The following ARHGAP32 variants were observed in gnomAD, a reference collection of about 807,000 sequenced individuals.
ARHGAP32 encodes the protein Rho GTPase activating protein 32.
In ARHGAP32, 51 loss-of-function variants were observed where a neutral mutation model predicts 186.5. That is an observed-to-expected ratio of 0.27 (90% CI 0.22 to 0.35). The LOEUF is 0.35. Ranked by LOEUF, ARHGAP32 falls within the 10% of genes least tolerant of loss-of-function variation. ARHGAP32 has a pLI of 1.00. For missense variants in ARHGAP32, 2,186 were observed against 2,623.5 expected (o/e 0.83, Z 3.64); for synonymous variants, 950 against 964.3 (o/e 0.99, Z 0.27).
intron 1 of ARHGAP32, among the ~76,000 whole-genome samples, chr11:129,186,878 A>C (rs959826563): frequency 6.6e-6 from 1 of 152,158 alleles, no homozygotes; most frequent in African/African-American, 2.4e-5. Flanking sequence ...TGCCGGCAAC[A>C]ATGTGGAGAA....
chr11:129,153,068 T>A (rs1464360669), intron 2 of ARHGAP32, among the ~76,000 whole-genome samples: 1 of 151,652 alleles, frequency 6.6e-6, no homozygotes, highest in Non-Finnish European at 1.5e-5. Context: ...TATACATAAA[T>A]CTGTAGCACT....
chr11:129,120,840 G>T (rs1295767718), intron 5 of ARHGAP32, among the ~76,000 whole-genome samples: 1 of 151,986 alleles, frequency 6.6e-6, no homozygotes, highest in Non-Finnish European at 1.5e-5. Context: ...TCCCAGAATT[G>T]GTACATATTA....
intron 11 of ARHGAP32, 58 bp from the exon 12 acceptor site, chr11:128,998,526 G>A (rs1946262240): frequency 3.7e-6 from 5 of 1,345,752 alleles, no homozygotes; most frequent in Non-Finnish European, 4.9e-6. Context: ...ATTTTACTTA[G>A]CATAAAAACA....
intron 1 of ARHGAP32, among the ~76,000 whole-genome samples, chr11:129,275,386 G>A (rs1735593240): frequency 6.6e-6 from 1 of 152,082 alleles, no homozygotes; most frequent in African/African-American, 2.4e-5. Flanking sequence ...GGTCACAAAG[G>A]AAATCTCTGA....
At chr11:129,046,930 C>G (rs1939833698) in intron 10 of ARHGAP32, among the ~76,000 whole-genome samples, 1 of 152,012 alleles carries the variant, frequency 6.6e-6, no homozygotes, top group African/African-American at 2.4e-5. Flanking sequence ...CAAGACCATC[C>G]TGGCTAAAAT....
At chr11:129,174,697 G>A (rs1943867516) in intron 1 of ARHGAP32, among the ~76,000 whole-genome samples, 1 of 152,130 alleles carries the variant, frequency 6.6e-6, no homozygotes, top group Non-Finnish European at 1.5e-5. Flanking sequence ...CACCTCACAT[G>A]GCCGGGTACT....
chr11:129,155,957 T>C (rs1474599900), intron 2 of ARHGAP32, among the ~76,000 whole-genome samples: 1 of 152,184 alleles, frequency 6.6e-6, no homozygotes, highest in Non-Finnish European at 1.5e-5. Context: ...TTGCCTCACC[T>C]GGGAAGGGCA....
intron 1 of ARHGAP32, among the ~76,000 whole-genome samples, chr11:129,250,298 G>A (rs1945163374): frequency 6.6e-6 from 1 of 152,176 alleles, no homozygotes; most frequent in African/African-American, 2.4e-5. Context: ...TAAGAGGAAT[G>A]TAATCACTAA....
chr11:128,970,029 G>T lies in ARHGAP32; in HGVS notation c.5184C>A (p.Asn1728Lys), dbSNP rs1469836985. 6.2e-7 allele frequency: 1 copy of T among 1,614,178 alleles called. No individual in the cohort carries two copies. Among genetic ancestry groups the T allele is most frequent in the African/African-American group, 1.3e-5 (1 of 75,060 alleles). Residue 1728 changes from asparagine to lysine, a missense_variant, in exon 23 of 23, where the codon AAC becomes AAA. Asn to Lys is a moderately conservative substitution (Grantham distance 94). Coordinates refer to ENST00000682385, the MANE Select transcript of ARHGAP32 (RefSeq NM_001378024.1). The surrounding 1 kb of genome is among the most constrained non-coding windows in gnomAD (Gnocchi z 5.8). ...CGTTGGGAGAGAAATAGCCAGTCAC[G>T]TTGGCCCGGGGACGTGGAGCCAAAC... Reference protein sequence around the residue: ...YAGLAPRPRANVTGYFSPNDH... With the variant: ...YAGLAPRPRAKVTGYFSPNDH...
chr11:128,986,784 T>G (rs1565358580), intron 13 of ARHGAP32, 116 bp from the exon 14 acceptor site: 1 of 867,988 alleles, frequency 1.2e-6, no homozygotes, highest in Non-Finnish European at 1.7e-6. Context: ...TGAGTTGCTA[T>G]TATCTTCCAT....
intron 11 of ARHGAP32, among the ~76,000 whole-genome samples, chr11:129,003,680 A>G (rs1321314174): frequency 1.3e-5 from 2 of 152,152 alleles, no homozygotes; most frequent in Non-Finnish European, 2.9e-5. Context: ...ATAGTTGCTC[A>G]TAATAGCCAC....
At chr11:128,979,687 T>A (rs1945654507) in intron 18 of ARHGAP32, among the ~76,000 whole-genome samples, 1 of 152,152 alleles carries the variant, frequency 6.6e-6, no homozygotes, top group South Asian at 2.1e-4. Context: ...TCACAGGAAG[T>A]GAAAGGAAGT....
chr11:128,984,095 C>T (rs650394), intron 15 of ARHGAP32, among the ~76,000 whole-genome samples: 16,969 of 152,090 alleles, frequency 0.11, 1,222 homozygotes, highest in Non-Finnish European at 0.15. Context: ...AAAGGAAGGC[C>T]GGGCACAGTG....
At chr11:129,180,722 C>T (rs1312709062) in intron 1 of ARHGAP32, among the ~76,000 whole-genome samples, 1 of 151,942 alleles carries the variant, frequency 6.6e-6, no homozygotes, top group African/African-American at 2.4e-5. Context: ...TTAAGGGCTG[C>T]CAACCATAAT....
chr11:129,221,527 GTGTGTGTT>G (rs1238004753), intron 1 of ARHGAP32, among the ~76,000 whole-genome samples: 1,542 of 83,718 alleles, frequency 0.018, 20 homozygotes, highest in African/African-American at 0.026. Flanking sequence ...GTGTGTGTGT[GTGTGTGTT>G]TATGGTAAAA....
chr11:128,975,644 C>T (rs1030953164), intron 20 of ARHGAP32, among the ~76,000 whole-genome samples: 5 of 151,998 alleles, frequency 3.3e-5, no homozygotes, highest in South Asian at 4.1e-4. Flanking sequence ...CATAATTTTA[C>T]GATGTTGCTA....
At chr11:129,169,511 G>A (rs1338340406) in intron 1 of ARHGAP32, among the ~76,000 whole-genome samples, 1 of 151,478 alleles carries the variant, frequency 6.6e-6, no homozygotes, top group Non-Finnish European at 1.5e-5. Context: ...GGCGCCTATA[G>A]TCCCAGCTAC....
chr11:129,167,734 TCTA>T (rs1326713325), intron 1 of ARHGAP32, among the ~76,000 whole-genome samples: 1 of 152,198 alleles, frequency 6.6e-6, no homozygotes, highest in Non-Finnish European at 1.5e-5. Context: ...CATGGAGAGT[TCTA>T]CTAATAGGTG....
At chr11:129,172,319 T>C (rs1943783574) in intron 1 of ARHGAP32, among the ~76,000 whole-genome samples, 1 of 152,190 alleles carries the variant, frequency 6.6e-6, no homozygotes, top group East Asian at 1.9e-4. Context: ...TATAAATAGC[T>C]CTTATTGTTT....
Sources: gnomAD v4.1 joint callset for allele counts (sites outside exome capture counted in the v4.1 genomes callset) on GRCh38, gnomAD v4.1.1 for gene constraint, Gnocchi (gnomAD v3.1) non-coding constraint, MANE v1.5 for transcripts, NCBI Gene and HGNC (gene_info 2026-07-23, HGNC 2026-07-21) for gene names.